The following DNAAF8 variants were observed in gnomAD, a reference collection of about 807,000 sequenced individuals.
DNAAF8 encodes the protein dynein axonemal assembly factor 8, also known as dynein axonemal-associated protein 1.
Under a neutral mutation model 54.6 loss-of-function variants are expected in DNAAF8, and 61 were observed. The observed-to-expected ratio is 1.12, with a 90% CI of 0.91 to 1.38. The LOEUF is 1.38. Ranked by LOEUF, DNAAF8 falls within the 40% of genes most tolerant of loss-of-function variation. The pLI is 0.00. For synonymous variants in DNAAF8, 320 were observed against 270.1 expected (o/e 1.18, Z -1.81); for missense variants, 837 against 665.0 (o/e 1.26, Z -2.85).
intron 2 of DNAAF8, 49 bp from the exon 3 acceptor site, chr16:4,737,751 G>A: frequency 2.5e-6 from 4 of 1,604,682 alleles, no homozygotes; most frequent in African/African-American, 1.3e-5. Flanking sequence ...AGGCCCTCAG[G>A]GCTCTGCCTG....
At position 4,747,596 on chromosome 16, in the gene DNAAF8, G is replaced by A. The variant is rs1341458057; in HGVS notation, c.1534G>A (p.Ala512Thr). Residue 512 changes from alanine (A) to threonine (T), a missense_variant, in exon 9 of 10, where the codon GCC becomes ACC. By Grantham distance (58) the Ala-to-Thr change is moderately conservative. Transcript: ENST00000299320. ...TCCTGAGCCAGGGGCAGCCAGGGAG[G>A]CCCTGATGCCTCCTCTGGAGCAACT... ...DVPEPGAARE[A>T]LMPPLEQL 1 of 1,609,936 alleles carries A rather than the reference G, an allele frequency of 6.2e-7. No homozygotes were observed. Among genetic ancestry groups the A allele is most frequent in the Non-Finnish European group, 8.5e-7 (1 of 1,178,954 alleles).
At chr16:4,735,968 G>C (rs2081890420) in intron 1 of DNAAF8, among the ~76,000 whole-genome samples, 1 of 152,050 alleles carries the variant, frequency 6.6e-6, no homozygotes. Flanking sequence ...AAACAAAAAA[G>C]CAAGGTGTCT....
chr16:4,746,457 A>C lies in DNAAF8; in HGVS notation c.1126A>C (p.Thr376Pro), dbSNP rs1185326541. The stretch of plus-strand genomic sequence containing the variant: ...CATGAGGCTTAACGCAGAGTCCCCC[A>C]CCATCTTTATTGACCTGCGGCAGAT... ...QGMRLNAESPTIFIDLRQMEL... is the reference protein window; with the variant it reads ...QGMRLNAESPPIFIDLRQMEL... The change falls in exon 7 of 10, where the codon ACC (threonine) becomes CCC (proline). Residue 376 changes from threonine to proline, a missense_variant. By Grantham distance (38) the Thr-to-Pro change is conservative. Transcript: ENST00000299320. The C allele has an allele frequency of 6.2e-6, 10 of 1,613,700 alleles. No homozygotes were observed. Among genetic ancestry groups the C allele is most frequent in the Non-Finnish European group, 6.8e-6 (8 of 1,179,962 alleles).
chr16:4,747,190 G>T (rs377477945), intron 8 of DNAAF8, 153 bp from the exon 9 acceptor site: 2 of 1,218,018 alleles, frequency 1.6e-6, no homozygotes, highest in Non-Finnish European at 2.3e-6. Context: ...CGTCCACTGG[G>T]TCCCAGCAGT....
chr16:4,747,345 C>T lies in DNAAF8; in HGVS notation c.1283C>T (p.Thr428Ile), dbSNP rs1216442281. Reference protein sequence around the residue: ...GASPSSLGLRTCTGKSQLLQQ... With the variant: ...GASPSSLGLRICTGKSQLLQQ... Reference sequence around the variant, plus strand: ...AATTTGGTCTCATTGTGTCACAGGACCTGTACCGGGAAAAGCCAGCTTCTC... The same window carrying T: ...AATTTGGTCTCATTGTGTCACAGGATCTGTACCGGGAAAAGCCAGCTTCTC... Residue 428 changes from threonine (T) to isoleucine (I), a missense_variant and splice_region_variant, in exon 9 of 10, where the codon ACC becomes ATC. Transcript: ENST00000299320. 2 of 1,574,146 alleles carry T rather than the reference C, an allele frequency of 1.3e-6. No homozygotes were observed. Among genetic ancestry groups the T allele is most frequent in the South Asian group, 1.2e-5 (1 of 85,888 alleles).
chr16:4,740,073 A>G, intron 3 of DNAAF8, 80 bp from the exon 4 acceptor site: 1 of 1,439,624 alleles, frequency 6.9e-7, no homozygotes, highest in Non-Finnish European at 9.3e-7. Flanking sequence ...AAAAAAAAAA[A>G]GTACATATTT....
intron 7 of DNAAF8, 98 bp from the exon 8 acceptor site, chr16:4,746,829 A>C (rs2082023249): frequency 8.5e-7 from 1 of 1,173,676 alleles, no homozygotes; most frequent in African/African-American, 1.6e-5. Context: ...GACCTCTTGC[A>C]TTGGGTCACC....
intron 6 of DNAAF8, among the ~76,000 whole-genome samples, chr16:4,745,412 G>A (rs1490036490): frequency 6.6e-6 from 1 of 152,192 alleles, no homozygotes; most frequent in Non-Finnish European, 1.5e-5. Context: ...CAATCTCTGT[G>A]TCTCTGTGTA....
At chr16:4,746,117 G>A (rs2082014251) in intron 6 of DNAAF8, 1 of 402,730 alleles carries the variant, frequency 2.5e-6, no homozygotes, top group Non-Finnish European at 4.4e-6. Flanking sequence ...TGTAAACTTA[G>A]CCACTTGTGC....
At chr16:4,743,208 C>G in intron 5 of DNAAF8, 48 bp downstream of exon 5, 1 of 1,365,710 alleles carries the variant, frequency 7.3e-7, no homozygotes, top group Non-Finnish European at 1.0e-6. Context: ...CAAGCAGCAC[C>G]TTCCTGGGCC....
chr16:4,741,140 A>G (rs1405400581), intron 4 of DNAAF8, among the ~76,000 whole-genome samples: 6 of 151,252 alleles, frequency 4.0e-5, no homozygotes, highest in African/African-American at 1.5e-4. Context: ...AGGCTGAGGC[A>G]GGAGAATGGC....
rs201059353 is a variant in DNAAF8, at chr16:4,736,632, G to A, written c.118G>A (p.Asp40Asn). Reference protein sequence around the residue: ...VKDQLPSLDSDSPLSDYGEEE... With the variant: ...VKDQLPSLDSNSPLSDYGEEE... ...AGACCAGCTCCCGTCTCTGGACTCA[G>A]ACTCCCCTTTGGTAAGCAAGAACTC... Residue 40 changes from aspartate (D) to asparagine (N), a missense_variant, in exon 2 of 10, where the codon GAC becomes AAC. Physicochemically the swap from Asp to Asn is conservative, Grantham distance 23 (BLOSUM62 1). Transcript: ENST00000299320. 1.9e-4 allele frequency: 297 copies of A among 1,573,282 alleles called. 1 individual carries two copies. The South Asian group carries it at 3.3e-3, about 17-fold the overall frequency.
chr16:4,743,939 T>C (rs1596485354), intron 5 of DNAAF8: 1 of 149,530 alleles, frequency 6.7e-6, no homozygotes, highest in East Asian at 2.0e-4. Flanking sequence ...TTTTTTTTTT[T>C]TTTTTTTGAG....
chr16:4,737,337 C>T (rs907074319), intron 2 of DNAAF8, among the ~76,000 whole-genome samples: 2 of 152,188 alleles, frequency 1.3e-5, no homozygotes, highest in African/African-American at 4.8e-5. Context: ...CGCCTCAGTG[C>T]TCAGGGTGTT....
chr16:4,744,730 G>A, intron 5 of DNAAF8, 140 bp from the exon 6 acceptor site: 1 of 1,072,374 alleles, frequency 9.3e-7, no homozygotes, highest in Non-Finnish European at 1.3e-6. Context: ...GGCTGAGTAG[G>A]GAGAGGGCTG....
intron 1 of DNAAF8, chr16:4,735,057 T>C (rs988624033): frequency 6.6e-6 from 1 of 152,290 alleles, no homozygotes; most frequent in Non-Finnish European, 1.5e-5. Flanking sequence ...GGGCCCTGCA[T>C]TGTCTGGTCC....
Position 4,737,820 on chromosome 16 carries a change from G to C in DNAAF8, c.150G>C (p.Glu50Asp), listed in dbSNP as rs768444062. 5 of 1,614,048 alleles carry C rather than the reference G, an allele frequency of 3.1e-6. No individual in the cohort carries two copies. In the East Asian group the frequency reaches 6.7e-5, roughly 22 times the overall value. Residue 50 changes from glutamate to aspartate, a missense_variant, in exon 3 of 10, where the codon GAG (glutamate) becomes GAC (aspartate). Transcript: ENST00000299320. ...DSPLSDYGEEELFIFQRNQTS... is the reference protein window; with the variant it reads ...DSPLSDYGEEDLFIFQRNQTS... ...CACAGTCGGACTATGGGGAAGAGGAGCTGTTCATCTTCCAGCGAAACCAAA... is the reference window on the plus strand; with the variant it reads ...CACAGTCGGACTATGGGGAAGAGGACCTGTTCATCTTCCAGCGAAACCAAA...
intron 7 of DNAAF8, 156 bp downstream of exon 7, chr16:4,746,668 G>A: frequency 2.7e-6 from 3 of 1,115,092 alleles, no homozygotes; most frequent in Non-Finnish European, 3.7e-6. Context: ...CAGTCCCCCT[G>A]GGTCCCTGCA....
intron 3 of DNAAF8, among the ~76,000 whole-genome samples, chr16:4,739,265 G>GTTTTTTTTTTTTTTTTTTTT (rs35113323): frequency 0.021 from 1,480 of 69,056 alleles, 333 homozygotes; most frequent in East Asian, 0.03. Context: ...ATTTTTTCTT[G>GTTTTTTTTTTTTTTTTTTTT]TTTTTTTTTT....
Sources: gnomAD v4.1 joint callset for allele counts (sites outside exome capture counted in the v4.1 genomes callset) on GRCh38, gnomAD v4.1.1 for gene constraint, MANE v1.5 for transcripts, NCBI Gene and HGNC (gene_info 2026-07-23, HGNC 2026-07-21) for gene names.